Variants in EYS observed in about 807,000 individuals in gnomAD.
EYS encodes the protein EGF-like photoreceptor maintenance factor.
In EYS, 250 loss-of-function variants were observed where a neutral mutation model predicts 282.1. That is an observed-to-expected ratio of 0.89 (90% confidence interval 0.80 to 0.98). The LOEUF (loss-of-function observed/expected upper bound fraction) is 0.98, where lower values mean the gene tolerates loss of function less well. Ranked by LOEUF, EYS falls within the 50% of genes least tolerant of loss-of-function variation. The pLI is 0.00. For missense variants in EYS, 4,016 were observed against 3,709.0 expected, an observed-to-expected ratio of 1.08 and a Z score of -2.15; for synonymous variants, 1,355 against 1,282.9, an observed-to-expected ratio of 1.06 and a Z score of -1.20.
chr6:64,307,407 G>A lies in EYS; in HGVS notation c.6079-325C>T, dbSNP rs147252620. On this transcript the variant is annotated intron_variant, in intron 29 of 42. Coordinates refer to ENST00000503581, the MANE Select transcript of EYS (RefSeq NM_001142800.2). ...TCCTGCCATTTGTTACAACCTGGAT[G>A]AAACTGAAAGATATTATGCTAAGTG... 7.9e-5 allele frequency among the ~76,000 whole-genome samples: 12 copies of A among 152,168 alleles called. No homozygotes were observed. The East Asian group carries it at 2.3e-3, about 29-fold the overall frequency.
chr6:64,730,467 AACTTTT>A (rs1374103384), intron 22 of EYS, among the ~76,000 whole-genome samples: 1 of 152,010 alleles, frequency 6.6e-6, no homozygotes, highest in African/African-American at 2.4e-5. Context: ...GAGCACAAAC[AACTTTT>A]ACTTTTACTT....
chr6:64,305,787 T>C (rs960225398), intron 30 of EYS, among the ~76,000 whole-genome samples: 2 of 152,082 alleles, frequency 1.3e-5, no homozygotes, highest in African/African-American at 4.8e-5. Flanking sequence ...GTAGAAAACA[T>C]AGGGAAAAAG....
rs962557500 is a variant in EYS at position 64,491,330 on chromosome 6, GA to G, written c.5645-51979del. On this transcript the variant is annotated intron_variant, in intron 26 of 42. Coordinates refer to ENST00000503581, the MANE Select transcript of EYS (RefSeq NM_001142800.2). The stretch of plus-strand genomic sequence containing the variant: ...GAATATTTCTGACCATCTTATCTTA[GA>G]AAAAAAAATCTTTAAACTCCTCAAA... Among the ~76,000 whole-genome samples, 311 of 149,548 alleles carry G rather than the reference GA, an allele frequency of 2.1e-3. 1 individual carries two copies. The highest frequency in any genetic ancestry group is 7.1e-3 in the African/African-American group (290 of 41,086).
At chr6:65,648,941 TAG>T (rs1328367764) in intron 1 of EYS, among the ~76,000 whole-genome samples, 1 of 151,634 alleles carries the variant, frequency 6.6e-6, no homozygotes, top group Non-Finnish European at 1.5e-5. Context: ...GGTCAGGAGA[TAG>T]AGACCATCCT....
intron 21 of EYS, among the ~76,000 whole-genome samples, chr6:64,818,258 T>G (rs904097863): frequency 2.0e-5 from 3 of 152,088 alleles, no homozygotes; most frequent in African/African-American, 7.2e-5. Flanking sequence ...TAAATTACAT[T>G]TTTTTCACTA....
intron 12 of EYS, among the ~76,000 whole-genome samples, chr6:65,206,686 G>A (rs1766043657): frequency 6.6e-6 from 1 of 151,632 alleles, no homozygotes; most frequent in Admixed American, 6.6e-5. Flanking sequence ...ATAGTCAAGT[G>A]GGTTTTATTC....
At chr6:65,277,954 A>G (rs570589517) in intron 12 of EYS, among the ~76,000 whole-genome samples, 2 of 151,724 alleles carry the variant, frequency 1.3e-5, no homozygotes, top group South Asian at 2.1e-4. Context: ...GGGTGTTTCT[A>G]TAACACCTGG....
intron 10 of EYS, among the ~76,000 whole-genome samples, chr6:65,336,435 G>A (rs1489954830): frequency 6.6e-6 from 1 of 151,534 alleles, no homozygotes; most frequent in Non-Finnish European, 1.5e-5. Context: ...AAATATATAT[G>A]TATGTGTAAA....
At chr6:65,110,175 ACTAT>A (rs1237741291) in intron 12 of EYS, among the ~76,000 whole-genome samples, 1 of 152,106 alleles carries the variant, frequency 6.6e-6, no homozygotes, top group East Asian at 1.9e-4. Context: ...CAGTTTTTCT[ACTAT>A]CTTTTACTTC....
chr6:65,356,844 G>A (rs935350546), intron 8 of EYS, among the ~76,000 whole-genome samples: 2 of 151,898 alleles, frequency 1.3e-5, no homozygotes, highest in African/African-American at 2.4e-5. Context: ...TGTCATATAG[G>A]TCTATCTCTG....
At chr6:65,478,959 T>C (rs1389825131) in intron 5 of EYS, among the ~76,000 whole-genome samples, 1 of 152,052 alleles carries the variant, frequency 6.6e-6, no homozygotes, top group Non-Finnish European at 1.5e-5. Flanking sequence ...AAAAATAGAA[T>C]GCATGAGTAA....
At chr6:65,326,361 A>C (rs1449428384) in intron 11 of EYS, among the ~76,000 whole-genome samples, 1 of 151,596 alleles carries the variant, frequency 6.6e-6, no homozygotes, top group African/African-American at 2.4e-5. Context: ...TCTACCATTG[A>C]TTAGAAATGC....
chr6:64,335,362 T>C (rs1005802858), intron 29 of EYS, among the ~76,000 whole-genome samples: 2 of 151,718 alleles, frequency 1.3e-5, no homozygotes, highest in Admixed American at 6.6e-5. Context: ...CAAAGTTTAT[T>C]ACAGGCCCAG....
At chr6:64,981,516 C>A (rs1348528110) in intron 14 of EYS, among the ~76,000 whole-genome samples, 1 of 151,098 alleles carries the variant, frequency 6.6e-6, no homozygotes, top group African/African-American at 2.4e-5. Flanking sequence ...TTCTAACCAC[C>A]TGGCAAAAAT....
At chr6:65,147,107 G>A (rs564635322) in intron 12 of EYS, among the ~76,000 whole-genome samples, 77 of 151,854 alleles carry the variant, frequency 5.1e-4, no homozygotes, top group Non-Finnish European at 8.1e-4. Flanking sequence ...TATATTTTTG[G>A]TAAAAATTGA....
At chr6:64,756,955 G>T (rs571624567) in intron 22 of EYS, among the ~76,000 whole-genome samples, 1 of 150,258 alleles carries the variant, frequency 6.7e-6, no homozygotes, top group Non-Finnish European at 1.5e-5. Context: ...AATTTTAATA[G>T]AGTCACTTTG....
At chr6:63,959,243 G>A (rs1315441738) in intron 35 of EYS, among the ~76,000 whole-genome samples, 1 of 152,068 alleles carries the variant, frequency 6.6e-6, no homozygotes, top group East Asian at 1.9e-4. Flanking sequence ...CATCTACGCA[G>A]CCAACAAACA....
chr6:63,733,081 G>A (rs980993099), intron 41 of EYS, among the ~76,000 whole-genome samples: 5 of 152,054 alleles, frequency 3.3e-5, no homozygotes, highest in African/African-American at 9.7e-5. Flanking sequence ...AATGAACCCT[G>A]GGGTGATAGG....
intron 2 of EYS, among the ~76,000 whole-genome samples, chr6:65,527,422 T>C (rs1417684007): frequency 1.3e-5 from 2 of 152,210 alleles, no homozygotes; most frequent in East Asian, 1.9e-4. Context: ...AGTAACATGA[T>C]GGAGAACAGA....
Sources: allele counts gnomAD v4.1 joint callset (sites outside exome capture counted in the v4.1 genomes callset), GRCh38; gene constraint gnomAD v4.1.1; transcripts MANE v1.5; gene names NCBI Gene and HGNC (gene_info 2026-07-23, HGNC 2026-07-21).